The following ZMYM2 variants were observed in gnomAD, a reference collection of about 807,000 sequenced individuals.
ZMYM2 encodes the protein zinc finger MYM-type protein 2.
In ZMYM2, 56 loss-of-function variants were observed where a neutral mutation model predicts 162.8. That is an observed-to-expected ratio of 0.34 (90% CI 0.28 to 0.43). The LOEUF (loss-of-function observed/expected upper bound fraction) is 0.43. ZMYM2 is among the 20% of genes least tolerant of loss of function. The pLI is 1.00. For synonymous variants in ZMYM2, 510 were observed against 541.6 expected (o/e 0.94, Z 0.81); for missense variants, 1,275 against 1,621.8 (o/e 0.79, Z 3.67).
At chr13:20,030,341 C>G (rs1372333185) in intron 9 of ZMYM2, among the ~76,000 whole-genome samples, 1 of 150,512 alleles carries the variant, frequency 6.6e-6, no homozygotes, top group African/African-American at 2.4e-5. Flanking sequence ...AGTGATTTCC[C>G]CTGCCTCAGC....
the ZMYM2 span, among the ~76,000 whole-genome samples, chr13:19,919,334 T>G: frequency 6.6e-6 from 1 of 152,316 alleles, no homozygotes; most frequent in East Asian, 1.9e-4. Context: ...TTTGTAGACA[T>G]AAGTTTTCAT....
At chr13:19,956,947 T>C (rs563592441), upstream of ZMYM2, among the ~76,000 whole-genome samples, 54 of 152,338 alleles carry the variant, frequency 3.5e-4, no homozygotes, top group African/African-American at 1.3e-3. Context: ...TTTTTCAGTC[T>C]AAACCAGTAC....
At chr13:19,949,180 C>T in the ZMYM2 span, among the ~76,000 whole-genome samples, 3 of 151,808 alleles carry the variant, frequency 2.0e-5, no homozygotes, top group Non-Finnish European at 2.9e-5. Flanking sequence ...GAGGCCGAGG[C>T]GAATGAATCA....
At chr13:20,009,920 T>C (rs9579762) in intron 6 of ZMYM2, among the ~76,000 whole-genome samples, 11,313 of 152,268 alleles carry the variant, frequency 0.074, 575 homozygotes, top group African/African-American at 0.14. Flanking sequence ...TCCATTCTTT[T>C]GGATGAGTGT....
At chr13:19,866,098 T>C in the ZMYM2 span, among the ~76,000 whole-genome samples, 104,065 of 151,602 alleles carry the variant, frequency 0.69, 38,473 homozygotes, top group East Asian at 0.89. Flanking sequence ...GGCCCACGCC[T>C]GTAATCCCAG....
the ZMYM2 span, among the ~76,000 whole-genome samples, chr13:19,866,206 A>G: frequency 6.6e-6 from 1 of 151,658 alleles, no homozygotes. Context: ...TGGGCAACAC[A>G]GCAAGACTGT....
At chr13:19,922,263 C>T in the ZMYM2 span, among the ~76,000 whole-genome samples, 1 of 151,978 alleles carries the variant, frequency 6.6e-6, no homozygotes, top group African/African-American at 2.4e-5. Flanking sequence ...TGGGCGGATA[C>T]AAAGTTGCTT....
chr13:19,883,901 G>A, the ZMYM2 span, among the ~76,000 whole-genome samples: 3 of 152,046 alleles, frequency 2.0e-5, no homozygotes, highest in African/African-American at 4.8e-5. Flanking sequence ...GGATTACAAG[G>A]GCCCACCCCC....
At position 20,019,558 on chromosome 13, in the gene ZMYM2, T is replaced by C; in HGVS notation, c.1524T>C (p.His508=). The C allele has an allele frequency of 6.3e-7, 1 of 1,589,832 alleles. No individual in the cohort carries two copies. Among genetic ancestry groups the C allele is most frequent in the East Asian group, 2.3e-5 (1 of 44,234 alleles). The change falls in exon 7 of 25, where the codon CAT becomes CAC. Residue 508 remains histidine, a synonymous_variant. Coordinates refer to ENST00000610343, the MANE Select transcript of ZMYM2 (RefSeq NM_197968.4). The stretch of plus-strand genomic sequence containing the variant: ...AAATCTTTTTTTAGGTAGGTAGCCA[T>C]CCAAGCTTCCTGAAGGAGGTTCGAG... The part of the protein sequence containing the change: ...CVSEYKQVGS[H]PSFLKEVRDH...
chr13:19,992,440 G>A (rs536072489), intron 2 of ZMYM2, among the ~76,000 whole-genome samples: 15 of 152,162 alleles, frequency 9.9e-5, no homozygotes, highest in Non-Finnish European at 1.9e-4. Context: ...GGTGGCGATG[G>A]CCTGTAGTCC....
chr13:20,075,686 T>TTTTTTTTTTTTTTTTTG (rs1957441518), intron 21 of ZMYM2, among the ~76,000 whole-genome samples: 1 of 138,100 alleles, frequency 7.2e-6, no homozygotes, highest in African/African-American at 2.9e-5. Flanking sequence ...TTTTTTTTTT[T>TTTTTTTTTTTTTTTTTG]TTTTTTTTTT....
At chr13:19,931,138 C>CAAAA in the ZMYM2 span, among the ~76,000 whole-genome samples, 4,908 of 127,254 alleles carry the variant, frequency 0.039, 357 homozygotes, top group African/African-American at 0.15. Flanking sequence ...GACTCTCTCT[C>CAAAA]AAAAAAAAAA....
chr13:19,977,006 GA>G (rs1239871480), intron 2 of ZMYM2, among the ~76,000 whole-genome samples: 1 of 152,082 alleles, frequency 6.6e-6, no homozygotes, highest in Non-Finnish European at 1.5e-5. Context: ...TTGCTAGAAC[GA>G]ACCTTTCATC....
In ZMYM2 at chr13:20,085,877, A is replaced by G. The variant is rs1958235505; in HGVS notation, c.3997A>G (p.Ser1333Gly). Residue 1333 changes from serine to glycine, a missense_variant, in exon 25 of 25, where the codon AGT becomes GGT. Physicochemically the swap from Ser to Gly is moderately conservative, Grantham distance 56. Transcript: ENST00000610343. ...DVFYLQPECS[S>G]STDSPVWYTS... ...TTTTTATTTGCAACCAGAATGCTCT[A>G]GTTCTACAGATAGCCCTGTCTGGTA... 4 of 1,613,552 alleles carry G rather than the reference A, an allele frequency of 2.5e-6. No homozygotes were observed. Among genetic ancestry groups the G allele is most frequent in the Non-Finnish European group, 3.4e-6 (4 of 1,179,598 alleles).
intron 12 of ZMYM2, among the ~76,000 whole-genome samples, chr13:20,046,667 ATATG>A (rs1444971954): frequency 1.3e-4 from 19 of 150,140 alleles, no homozygotes; most frequent in Non-Finnish European, 2.4e-4. Context: ...GTGTGTATAT[ATATG>A]TGTGTATATA....
intron 14 of ZMYM2, among the ~76,000 whole-genome samples, chr13:20,058,091 G>C (rs1482897453): frequency 6.6e-6 from 1 of 152,156 alleles, no homozygotes; most frequent in African/African-American, 2.4e-5. Flanking sequence ...ACAACTTAAA[G>C]TTTGAGGATA....
chr13:19,909,146 T>A, the ZMYM2 span, among the ~76,000 whole-genome samples: 1 of 152,190 alleles, frequency 6.6e-6, no homozygotes, highest in Non-Finnish European at 1.5e-5. Context: ...GTTTATATAA[T>A]TTTTTTCCTA....
chr13:19,879,799 C>T, the ZMYM2 span, among the ~76,000 whole-genome samples: 1 of 152,272 alleles, frequency 6.6e-6, no homozygotes, highest in Non-Finnish European at 1.5e-5. Context: ...GCCCAGATAG[C>T]TGGTAAAACA....
chr13:19,956,334 GTCTGAATAATAT>G (rs1954518060), upstream of ZMYM2, among the ~76,000 whole-genome samples: 1 of 151,990 alleles, frequency 6.6e-6, no homozygotes, highest in Non-Finnish European at 1.5e-5. Flanking sequence ...TCCTCTTTAG[GTCTGAATAATAT>G]TCCATTGTAT....
Sources: allele counts gnomAD v4.1 joint callset (sites outside exome capture counted in the v4.1 genomes callset), GRCh38; gene constraint gnomAD v4.1.1; transcripts MANE v1.5; gene names NCBI Gene and HGNC (gene_info 2026-07-23, HGNC 2026-07-21).